The following PARD3 variants were observed in gnomAD, a reference collection of about 807,000 sequenced individuals.
PARD3 encodes the protein partitioning defective 3 homolog.
PARD3 carries 75 observed loss-of-function variants against 155.4 expected under a neutral mutation model. That is an observed-to-expected ratio of 0.48 (90% confidence interval 0.40 to 0.58). The LOEUF (loss-of-function observed/expected upper bound fraction) is 0.58, where lower values mean the gene tolerates loss of function less well. PARD3 is among the 20% of genes least tolerant of loss of function. The pLI, the probability that PARD3 is intolerant of heterozygous loss-of-function variation, is 0.00. For synonymous variants in PARD3, 576 were observed against 610.5 expected (o/e 0.94, Z 0.83); for missense variants, 1,642 against 1,721.7 (o/e 0.95, Z 0.82).
chr10:34,609,200 C>A (rs79438423), intron 2 of PARD3, among the ~76,000 whole-genome samples: 7,317 of 152,220 alleles, frequency 0.048, 570 homozygotes, highest in African/African-American at 0.17. Flanking sequence ...AATTTAGAAT[C>A]CCCAGGTACA....
chr10:34,214,660 T>C (rs1260332567), intron 22 of PARD3, among the ~76,000 whole-genome samples: 1 of 151,148 alleles, frequency 6.6e-6, no homozygotes, highest in Non-Finnish European at 1.5e-5. Flanking sequence ...CTGCAAAAAA[T>C]AAAAAAAAAT....
chr10:34,334,869 G>A (rs1835995667), intron 18 of PARD3, among the ~76,000 whole-genome samples: 1 of 151,794 alleles, frequency 6.6e-6, no homozygotes, highest in South Asian at 2.1e-4. Flanking sequence ...TTATAACTTG[G>A]ATATCATTAT....
At chr10:34,800,632 T>C (rs748653645) in intron 1 of PARD3, among the ~76,000 whole-genome samples, 1 of 151,918 alleles carries the variant, frequency 6.6e-6, no homozygotes, top group African/African-American at 2.4e-5. Context: ...AAATAAAAAA[T>C]AATAATGGTA....
chr10:34,766,374 C>G (rs1838090816), intron 1 of PARD3, among the ~76,000 whole-genome samples: 1 of 152,172 alleles, frequency 6.6e-6, no homozygotes, highest in African/African-American at 2.4e-5. Context: ...ACACAGACAT[C>G]TGCTCTGCCA....
intron 5 of PARD3, among the ~76,000 whole-genome samples, chr10:34,417,975 A>G (rs1845830175): frequency 6.6e-6 from 1 of 152,176 alleles, no homozygotes; most frequent in Non-Finnish European, 1.5e-5. Context: ...ATTCATAAAA[A>G]CTTAAGTTCA....
intron 1 of PARD3, among the ~76,000 whole-genome samples, chr10:34,787,330 G>T (rs1178437209): frequency 1.3e-5 from 2 of 152,198 alleles, no homozygotes; most frequent in Admixed American, 6.5e-5. Context: ...AGTGAGCCAA[G>T]ATCGCGCCAC....
chr10:34,786,834 A>G (rs1193438526), intron 1 of PARD3, among the ~76,000 whole-genome samples: 1 of 152,246 alleles, frequency 6.6e-6, no homozygotes, highest in Non-Finnish European at 1.5e-5. Context: ...ATACATATAT[A>G]GATTTGGTTT....
At position 34,698,822 on chromosome 10, in the gene PARD3, G is replaced by A. The variant is rs530296986; in HGVS notation, c.121-2403C>T. Among the ~76,000 whole-genome samples, 11 of 152,298 alleles carry A rather than the reference G, an allele frequency of 7.2e-5. No individual in the cohort carries two copies. The South Asian group carries it at 1.4e-3, about 20-fold the overall frequency. On this transcript the variant is annotated intron_variant, in intron 1 of 24. Coordinates refer to ENST00000374788, the MANE Select transcript of PARD3 (RefSeq NM_001184785.2). ...TTACATATGCAGCACAAAACCTTTT[G>A]TTGACACTACTTTACCTTCCGGTTA...
intron 5 of PARD3, among the ~76,000 whole-genome samples, chr10:34,438,682 C>T (rs1174656639): frequency 6.6e-6 from 1 of 151,946 alleles, no homozygotes; most frequent in African/African-American, 2.4e-5. Flanking sequence ...ATGCCTGGGC[C>T]ATTTTAGGAC....
chr10:34,219,985 C>A (rs1952196747), intron 22 of PARD3, among the ~76,000 whole-genome samples: 1 of 152,158 alleles, frequency 6.6e-6, no homozygotes, highest in Non-Finnish European at 1.5e-5. Flanking sequence ...TCCCTGTAAG[C>A]CTACTTAGAT....
intron 7 of PARD3, among the ~76,000 whole-genome samples, chr10:34,396,396 A>C (rs1843348663): frequency 6.6e-6 from 1 of 152,030 alleles, no homozygotes; most frequent in South Asian, 2.1e-4. Flanking sequence ...ACTTCATCAC[A>C]CATCAGGTCA....
In PARD3 at chr10:34,372,539, AGAAGAATT is replaced by A. The variant is rs1840792345; in HGVS notation, c.1669-11_1669-4del. The stretch of plus-strand genomic sequence containing the variant: ...TGCATCTGGCTTGGCTCTGCATTCT[AGAAGAATT>A]GAAGAAAAACATAAATACAGACTGA... On this transcript the variant is annotated splice_polypyrimidine_tract_variant and splice_region_variant and intron_variant, in intron 11 of 24. Coordinates refer to ENST00000374788, the MANE Select transcript of PARD3 (RefSeq NM_001184785.2). The A allele has an allele frequency of 2.5e-6, 4 of 1,605,712 alleles. No homozygotes were observed. The East Asian group carries it at 8.9e-5, about 36-fold the overall frequency.
At chr10:34,198,658 T>A (rs926842186) in intron 22 of PARD3, among the ~76,000 whole-genome samples, 3 of 152,130 alleles carry the variant, frequency 2.0e-5, no homozygotes, top group African/African-American at 7.2e-5. Flanking sequence ...TGATAGAAAA[T>A]TTTCACTACC....
At chr10:34,672,081 T>C (rs2093620130) in intron 2 of PARD3, among the ~76,000 whole-genome samples, 1 of 151,858 alleles carries the variant, frequency 6.6e-6, no homozygotes, top group South Asian at 2.1e-4. Flanking sequence ...GGCAGAAGGA[T>C]CACCCGAGCC....
intron 22 of PARD3, among the ~76,000 whole-genome samples, chr10:34,219,541 T>G (rs1236016195): frequency 6.6e-6 from 1 of 152,228 alleles, no homozygotes; most frequent in Non-Finnish European, 1.5e-5. Context: ...CAACAGGGAT[T>G]GTTTTAATAG....
intron 1 of PARD3, among the ~76,000 whole-genome samples, chr10:34,704,343 T>C (rs1282946056): frequency 6.6e-6 from 1 of 152,210 alleles, no homozygotes; most frequent in Non-Finnish European, 1.5e-5. Context: ...CAGCTGTAAG[T>C]AGCTTTAATA....
At chr10:34,810,670 A>T (rs751618137) in intron 1 of PARD3, among the ~76,000 whole-genome samples, 1 of 152,200 alleles carries the variant, frequency 6.6e-6, no homozygotes. Flanking sequence ...GGAAAAATCC[A>T]AGCAGCAATA....
At chr10:34,174,153 C>T (rs774418384) in intron 22 of PARD3, among the ~76,000 whole-genome samples, 4 of 152,178 alleles carry the variant, frequency 2.6e-5, no homozygotes. Flanking sequence ...TCAGCATACA[C>T]GTGGCCAACT....
chr10:34,765,573 G>T (rs1388144629), intron 1 of PARD3, among the ~76,000 whole-genome samples: 2 of 151,902 alleles, frequency 1.3e-5, no homozygotes, highest in Non-Finnish European at 2.9e-5. Flanking sequence ...AGCTACTCGG[G>T]AGGCTGACAC....
Sources: allele counts gnomAD v4.1 joint callset (sites outside exome capture counted in the v4.1 genomes callset), GRCh38; gene constraint gnomAD v4.1.1; transcripts MANE v1.5; gene names NCBI Gene and HGNC (gene_info 2026-07-23, HGNC 2026-07-21).